RASGRP1: variants seen among roughly 807,000 people sequenced by gnomAD.
RASGRP1 encodes the protein RAS guanyl releasing protein 1, also known as RAS guanyl-releasing protein 1.
A neutral mutation model predicts 95.1 loss-of-function variants in RASGRP1; 37 were observed. The ratio of observed to expected loss-of-function variants is 0.39; its 90% CI spans 0.30 to 0.51. The LOEUF (loss-of-function observed/expected upper bound fraction) is 0.51. Ranked by LOEUF, RASGRP1 falls within the 20% of genes least tolerant of loss-of-function variation. The pLI, the probability that RASGRP1 is intolerant of heterozygous loss-of-function variation, is 0.80. For missense variants in RASGRP1, 711 were observed against 965.4 expected (o/e 0.74, Z 3.49); for synonymous variants, 325 against 353.4 (o/e 0.92, Z 0.90).
intron 2 of RASGRP1, among the ~76,000 whole-genome samples, chr15:38,527,938 A>C (rs1445527361): frequency 6.6e-6 from 1 of 152,122 alleles, no homozygotes; most frequent in Non-Finnish European, 1.5e-5. Context: ...TGTCTGGGTG[A>C]CAGAGCATGA....
At chr15:38,522,643 G>C (rs939231284) in intron 3 of RASGRP1, among the ~76,000 whole-genome samples, 8 of 152,064 alleles carry the variant, frequency 5.3e-5, no homozygotes, top group Non-Finnish European at 1.0e-4. Context: ...TTCCCAGAAG[G>C]GTCTTGAAAG....
intron 2 of RASGRP1, among the ~76,000 whole-genome samples, 176 bp downstream of exon 2, chr15:38,559,645 T>C (rs747482025): frequency 6.6e-6 from 1 of 152,172 alleles, no homozygotes; most frequent in Non-Finnish European, 1.5e-5. Flanking sequence ...TCACGACCTA[T>C]TACACCCACA....
chr15:38,519,540 C>A (rs1396800514), intron 3 of RASGRP1, among the ~76,000 whole-genome samples, 169 bp from the exon 4 acceptor site: 1 of 152,160 alleles, frequency 6.6e-6, no homozygotes, highest in Non-Finnish European at 1.5e-5. Flanking sequence ...ATGTGTACAG[C>A]TGTATGCATA....
Position 38,564,658 on chromosome 15 carries a change from C to T in RASGRP1, c.-30G>A, listed in dbSNP as rs988984550. The T allele has an allele frequency of 2.4e-6, 3 of 1,272,324 alleles. No homozygotes were observed. The highest frequency in any genetic ancestry group is 3.0e-5 in the South Asian group (1 of 33,466). 78.8% of individuals were successfully genotyped at this position (1,272,324 alleles called of 1,614,324 possible). A position where few individuals can be genotyped will look rare whatever the true frequency, so the allele number is the denominator to read the frequency against. The stretch of plus-strand genomic sequence containing the variant: ...GCGGCCCGCGCTCCCGGTGCCGGCT[C>T]ACCTAGCGCGGCCGGGCGCGGCGCA... On this transcript the variant is annotated 5_prime_UTR_variant, in exon 1 of 17. Coordinates refer to ENST00000310803, the MANE Select transcript of RASGRP1 (RefSeq NM_005739.4).
At chr15:38,519,439 G>T in intron 3 of RASGRP1, 68 bp from the exon 4 acceptor site, 2 of 1,180,940 alleles carry the variant, frequency 1.7e-6, no homozygotes, top group Non-Finnish European at 2.4e-6. Flanking sequence ...ATCTTTGGAA[G>T]TATTTGCTGA....
rs1357981734 is a variant in RASGRP1 at position 38,502,255 on chromosome 15, T to C, written c.1538+57A>G. Reference sequence around the variant, plus strand: ...TCAAATTCTTCTAGTGACATACCTATAAACCTATTCTCACCAATGGGCTCA... The same window carrying C: ...TCAAATTCTTCTAGTGACATACCTACAAACCTATTCTCACCAATGGGCTCA... On this transcript the variant is annotated intron_variant, in intron 12 of 16. Transcript: ENST00000310803. 4.7e-6 allele frequency: 6 copies of C among 1,263,948 alleles called. No homozygotes were observed. The East Asian group carries it at 1.2e-4, about 25-fold the overall frequency. The allele number at this position is 1,263,948 out of a possible 1,614,324, so 78.3% of individuals were successfully genotyped here.
intron 2 of RASGRP1, among the ~76,000 whole-genome samples, chr15:38,557,601 ATGTG>A (rs5812045): frequency 1.3e-4 from 19 of 145,382 alleles, no homozygotes; most frequent in Middle Eastern, 3.4e-3. Context: ...TTGTATATAT[ATGTG>A]TGTGTGTGTG....
rs1891782531 is a variant in RASGRP1, at chr15:38,516,298, T to C, written c.574A>G (p.Ser192Gly). Reference sequence around the variant, plus strand: ...AGCAGGGAGACTTTCCGTTTCTTGCTGGTATTTGATTTTATCCTTTGAGTA... The same window carrying C: ...AGCAGGGAGACTTTCCGTTTCTTGCCGGTATTTGATTTTATCCTTTGAGTA... ...KLTQRIKSNTSKKRKVSLLFD... is the reference protein window; with the variant it reads ...KLTQRIKSNTGKKRKVSLLFD... Residue 192 changes from serine to glycine, a missense_variant, in exon 6 of 17, where the codon AGC (serine) becomes GGC (glycine). Physicochemically the swap from Ser to Gly is moderately conservative, Grantham distance 56 (BLOSUM62 0). Around this residue, in one of 3 missense-constraint regions of RASGRP1, gnomAD observed 491 missense variants for 676.6 expected, o/e 0.73. Transcript: ENST00000310803. The C allele has an allele frequency of 1.2e-6, 2 of 1,608,206 alleles. No homozygotes were observed. The highest frequency in any genetic ancestry group is 1.7e-4 in the Middle Eastern group (1 of 6,054).
chr15:38,510,092 A>G (rs1292095655), intron 8 of RASGRP1, among the ~76,000 whole-genome samples: 2 of 152,192 alleles, frequency 1.3e-5, no homozygotes, highest in Non-Finnish European at 2.9e-5. Context: ...TCCCCTCCGA[A>G]GGTGAAATCA....
intron 13 of RASGRP1, 130 bp downstream of exon 13, chr15:38,501,013 G>C: frequency 9.1e-7 from 1 of 1,103,224 alleles, no homozygotes; most frequent in Non-Finnish European, 1.3e-6. Flanking sequence ...TTGAGCTCTA[G>C]GTTATTCTAG....
chr15:38,490,586 A>G lies in RASGRP1; in HGVS notation c.2362T>C (p.Leu788=). Residue 788 remains leucine, a synonymous_variant, in exon 17 of 17, where the codon TTA becomes CTA. Transcript: ENST00000310803. ...SLQLEKSNHV[L]AQMEQGDCS ...CAGTCACCCTGCTCCATTTGAGCTA[A>G]GACATGATTGCTTTTTTCAAGCTGG... The G allele has an allele frequency of 1.2e-6, 2 of 1,613,440 alleles. No homozygotes were observed. The highest frequency in any genetic ancestry group is 1.7e-6 in the Non-Finnish European group (2 of 1,179,532).
In RASGRP1 at chr15:38,564,648, G is replaced by A. The variant is rs1440134566; in HGVS notation, c.-20C>T. The A allele has an allele frequency of 1.1e-5, 14 of 1,315,866 alleles. No homozygotes were observed. The highest frequency in any genetic ancestry group is 1.4e-5 in the Non-Finnish European group (14 of 1,026,570). 81.5% of individuals were successfully genotyped at this position (1,315,866 alleles called of 1,614,324 possible). ...GCCCATGGCCGCGGCCCGCGCTCCC[G>A]GTGCCGGCTCACCTAGCGCGGCCGG... On this transcript the variant is annotated 5_prime_UTR_variant, in exon 1 of 17. Coordinates refer to ENST00000310803, the MANE Select transcript of RASGRP1 (RefSeq NM_005739.4).
chr15:38,532,997 A>G (rs1892508126), intron 2 of RASGRP1, among the ~76,000 whole-genome samples: 1 of 152,082 alleles, frequency 6.6e-6, no homozygotes, highest in Non-Finnish European at 1.5e-5. Context: ...GATGAGATGG[A>G]AATGCCTTGC....
At chr15:38,500,960 A>G (rs942823988) in intron 13 of RASGRP1, among the ~76,000 whole-genome samples, 183 bp downstream of exon 13, 53 of 152,224 alleles carry the variant, frequency 3.5e-4, no homozygotes, top group Non-Finnish European at 6.2e-4. Context: ...AAGAAAAAAC[A>G]GGAAGAAGCG....
At chr15:38,526,477 C>A (rs945709344) in intron 2 of RASGRP1, 73 bp from the exon 3 acceptor site, 3 of 1,104,864 alleles carry the variant, frequency 2.7e-6, no homozygotes, top group East Asian at 2.4e-5. Flanking sequence ...ACCTGCAAAC[C>A]CTCTGTGACT....
intron 2 of RASGRP1, among the ~76,000 whole-genome samples, chr15:38,530,230 G>T (rs1892383575): frequency 6.6e-6 from 1 of 152,168 alleles, no homozygotes; most frequent in African/African-American, 2.4e-5. Context: ...GTGGGGGTAG[G>T]TTATCTCATG....
At chr15:38,508,104 T>C in intron 8 of RASGRP1, 103 bp from the exon 9 acceptor site, 1 of 1,349,324 alleles carries the variant, frequency 7.4e-7, no homozygotes, top group Non-Finnish European at 1.0e-6. Context: ...TCTCACCCCA[T>C]CCAGAATTTG....
At position 38,512,969 on chromosome 15, in the gene RASGRP1, A is replaced by G. The variant is rs1566918682; in HGVS notation, c.676-13T>C. ...GATAATCAGAGAACTGCAGGAAAAG[A>G]AACAACAACAACAAAAAAAACCTAT... On this transcript the variant is annotated splice_polypyrimidine_tract_variant and intron_variant, in intron 6 of 16. Transcript: ENST00000310803. 6.7e-7 allele frequency: 1 copy of G among 1,495,212 alleles called. No individual in the cohort carries two copies. The highest frequency in any genetic ancestry group is 2.4e-5 in the East Asian group (1 of 41,388). 92.6% of individuals were successfully genotyped at this position (1,495,212 alleles called of 1,614,324 possible).
intron 16 of RASGRP1, 180 bp downstream of exon 16, chr15:38,494,202 T>G (rs551230838): frequency 3.5e-5 from 29 of 817,128 alleles, no homozygotes; most frequent in Admixed American, 3.4e-4. Context: ...CAATCATCCT[T>G]TCTTCCTTCC....
Sources: gnomAD v4.1 joint callset for allele counts (sites outside exome capture counted in the v4.1 genomes callset) on GRCh38, gnomAD v4.1.1 for gene constraint, gnomAD v4.1.1 regional missense constraint, MANE v1.5 for transcripts, NCBI Gene and HGNC (gene_info 2026-07-23, HGNC 2026-07-21) for gene names.